The following SGCZ variants were observed in gnomAD, a reference collection of about 807,000 sequenced individuals.
SGCZ encodes sarcoglycan zeta.
A neutral mutation model predicts 41.3 loss-of-function variants in SGCZ; 40 were observed. The ratio of observed to expected loss-of-function variants is 0.97; its 90% CI spans 0.75 to 1.26. The LOEUF (loss-of-function observed/expected upper bound fraction) is 1.26. Ranked by LOEUF, SGCZ falls within the 50% of genes most tolerant of loss-of-function variation. The pLI is 0.00. For missense variants in SGCZ, 552 were observed against 369.8 expected (o/e 1.49, Z -4.04); for synonymous variants, 206 against 137.5 (o/e 1.50, Z -3.49).
At chr8:15,096,337 C>T (rs1035539645) in intron 1 of SGCZ, among the ~76,000 whole-genome samples, 2 of 152,068 alleles carry the variant, frequency 1.3e-5, no homozygotes, top group Admixed American at 6.5e-5. Context: ...ATCCACCTGC[C>T]TCCATCTCCC....
chr8:14,122,258 G>T (rs915624845), intron 5 of SGCZ, among the ~76,000 whole-genome samples: 6 of 152,130 alleles, frequency 3.9e-5, no homozygotes, highest in African/African-American at 1.4e-4. Flanking sequence ...CAGCCTGGGA[G>T]ACAGAGCAAG....
chr8:14,613,853 A>G (rs1806010273), intron 1 of SGCZ, among the ~76,000 whole-genome samples: 1 of 152,188 alleles, frequency 6.6e-6, no homozygotes, highest in Non-Finnish European at 1.5e-5. Flanking sequence ...CACATTATCT[A>G]CATGCTGTCA....
intron 2 of SGCZ, among the ~76,000 whole-genome samples, chr8:14,520,750 A>G (rs1002532579): frequency 6.6e-6 from 1 of 152,146 alleles, no homozygotes; most frequent in Non-Finnish European, 1.5e-5. Flanking sequence ...GCAAAATCTG[A>G]CATTCAAAAG....
intron 2 of SGCZ, among the ~76,000 whole-genome samples, chr8:14,488,925 C>G (rs1801761234): frequency 8.2e-6 from 1 of 121,760 alleles, no homozygotes; most frequent in Admixed American, 8.5e-5. Context: ...TTTTTTTCCT[C>G]CATGGATTCA....
intron 1 of SGCZ, among the ~76,000 whole-genome samples, chr8:15,192,221 G>A (rs1480661597): frequency 2.6e-5 from 4 of 151,990 alleles, no homozygotes; most frequent in African/African-American, 7.3e-5. Context: ...AGTTGCCCTG[G>A]TGACATTCTT....
At chr8:14,339,440 G>T (rs1802623173) in intron 2 of SGCZ, among the ~76,000 whole-genome samples, 1 of 152,182 alleles carries the variant, frequency 6.6e-6, no homozygotes, top group South Asian at 2.1e-4. Context: ...TGGGATATTA[G>T]GATAAGTTAT....
At chr8:15,219,384 T>A (rs1003547346) in intron 1 of SGCZ, among the ~76,000 whole-genome samples, 10 of 152,198 alleles carry the variant, frequency 6.6e-5, no homozygotes, top group African/African-American at 2.4e-4. Flanking sequence ...CCATACATGT[T>A]GATGTATAAG....
At chr8:14,404,356 G>A (rs28725474) in intron 2 of SGCZ, among the ~76,000 whole-genome samples, 6,113 of 152,156 alleles carry the variant, frequency 0.04, 385 homozygotes, top group African/African-American at 0.14. Context: ...ACAATTCTTA[G>A]TGTAAATGCA....
chr8:14,720,879 A>ATCAGGTTT (rs1563224651), intron 1 of SGCZ, among the ~76,000 whole-genome samples: 1 of 151,268 alleles, frequency 6.6e-6, no homozygotes, highest in South Asian at 2.1e-4. Context: ...ATCCATTCCA[A>ATCAGGTTT]TCAGGTTTTT....
At chr8:14,696,097 G>T (rs1241319579) in intron 1 of SGCZ, among the ~76,000 whole-genome samples, 3 of 152,040 alleles carry the variant, frequency 2.0e-5, no homozygotes, top group African/African-American at 7.2e-5. Context: ...TTGTATTTCG[G>T]TTGCTTTTTT....
chr8:15,065,340 T>C (rs1021032453), intron 1 of SGCZ, among the ~76,000 whole-genome samples: 2 of 152,048 alleles, frequency 1.3e-5, no homozygotes, highest in African/African-American at 4.8e-5. Context: ...CCTCTTCCTC[T>C]GACCCAGGAG....
intron 1 of SGCZ, among the ~76,000 whole-genome samples, chr8:14,884,682 T>C (rs535192928): frequency 5.3e-5 from 8 of 152,156 alleles, no homozygotes; most frequent in South Asian, 4.1e-4. Flanking sequence ...ATTCACTTAT[T>C]TTAAGAAAGA....
chr8:15,003,440 G>C (rs1802496575), intron 1 of SGCZ, among the ~76,000 whole-genome samples: 1 of 152,108 alleles, frequency 6.6e-6, no homozygotes, highest in South Asian at 2.1e-4. Context: ...ATGACTGATA[G>C]TTACGAAATT....
Position 14,588,252 on chromosome 8 carries a change from A to C in SGCZ, c.40-33326T>G, listed in dbSNP as rs117722886. On this transcript the variant is annotated intron_variant, in intron 1 of 7. Transcript: ENST00000382080. ...CTGCTAAAAGTCCCAGTCTGTCTTT[A>C]AAGGAGTGGATTTGCATAAAATCAA... Among the ~76,000 whole-genome samples, 262 of 152,028 alleles carry C rather than the reference A, an allele frequency of 1.7e-3. 5 individuals carry two copies. In the East Asian group the frequency reaches 0.047, roughly 27 times the overall value.
intron 1 of SGCZ, among the ~76,000 whole-genome samples, chr8:15,154,757 G>A (rs1299665899): frequency 6.6e-6 from 1 of 152,080 alleles, no homozygotes; most frequent in Non-Finnish European, 1.5e-5. Flanking sequence ...TTAGTAATTC[G>A]ACTGAGACAG....
chr8:14,285,882 G>A (rs1174977720), intron 3 of SGCZ, among the ~76,000 whole-genome samples: 1 of 152,026 alleles, frequency 6.6e-6, no homozygotes, highest in African/African-American at 2.4e-5. Context: ...TACCATTGCT[G>A]ACAATTTTAT....
chr8:14,577,073 A>ATATTT (rs1320193683), intron 1 of SGCZ, among the ~76,000 whole-genome samples: 1 of 152,240 alleles, frequency 6.6e-6, no homozygotes, highest in African/African-American at 2.4e-5. Context: ...GCCAAAAGGT[A>ATATTT]TATTTGAATG....
At chr8:14,179,502 A>G (rs2117019151) in intron 4 of SGCZ, among the ~76,000 whole-genome samples, 1 of 152,334 alleles carries the variant, frequency 6.6e-6, no homozygotes, top group South Asian at 2.1e-4. Context: ...CTGGTTGCAC[A>G]GGACCTGTCT....
rs1328121635 is a variant in SGCZ, at chr8:14,205,843, A to T, written c.424+31749T>A. Among the ~76,000 whole-genome samples the T allele has an allele frequency of 2.6e-5, 4 of 152,190 alleles. No homozygotes were observed. The South Asian group carries it at 6.2e-4, about 24-fold the overall frequency. ...CTGAGATTTATAGTCTATATCAAATATTATTTGAAATTTAGGAAGATATTT... is the reference window on the plus strand; with the variant it reads ...CTGAGATTTATAGTCTATATCAAATTTTATTTGAAATTTAGGAAGATATTT... On this transcript the variant is annotated intron_variant, in intron 4 of 7. Coordinates refer to ENST00000382080, the MANE Select transcript of SGCZ (RefSeq NM_139167.4).
Sources: allele counts gnomAD v4.1 joint callset (sites outside exome capture counted in the v4.1 genomes callset), GRCh38; gene constraint gnomAD v4.1.1; transcripts MANE v1.5; gene names NCBI Gene and HGNC (gene_info 2026-07-23, HGNC 2026-07-21).